The following TFDP2 variants were observed in gnomAD, a reference collection of about 807,000 sequenced individuals.
TFDP2 encodes the protein transcription factor Dp-2 (E2F dimerization partner 2).
Under a neutral mutation model 59.3 loss-of-function variants are expected in TFDP2, and 17 were observed. The ratio of observed to expected loss-of-function variants is 0.29; its 90% CI spans 0.20 to 0.43. TFDP2 has a LOEUF of 0.43. Among genes scored for constraint, TFDP2 ranks in the 20% least tolerant of loss-of-function variants. The probability of loss-of-function intolerance (pLI) is 1.00; values close to 1 mark genes in which losing one functional copy is unlikely to be tolerated. For missense variants in TFDP2, 391 were observed against 528.8 expected, an observed-to-expected ratio of 0.74 and a Z score of 2.56; for synonymous variants, 180 against 194.7, an observed-to-expected ratio of 0.92 and a Z score of 0.63.
chr3:142,115,155 A>G (rs971233422), intron 1 of TFDP2, among the ~76,000 whole-genome samples: 4 of 152,120 alleles, frequency 2.6e-5, no homozygotes, highest in Admixed American at 2.6e-4. Flanking sequence ...ATATTCTTTT[A>G]AAAACATTTA....
chr3:142,123,881 T>A (rs2062141072), intron 1 of TFDP2, among the ~76,000 whole-genome samples: 1 of 152,168 alleles, frequency 6.6e-6, no homozygotes, highest in African/African-American at 2.4e-5. Context: ...TATTTACATA[T>A]GATTACAACT....
intron 3 of TFDP2, among the ~76,000 whole-genome samples, chr3:142,029,800 T>C (rs761702752): frequency 5.3e-5 from 8 of 152,210 alleles, no homozygotes; most frequent in Non-Finnish European, 1.0e-4. Context: ...TGAATACTTA[T>C]TATGAGCCGA....
chr3:141,972,699 T>C (rs998933616), intron 8 of TFDP2, among the ~76,000 whole-genome samples: 1 of 152,212 alleles, frequency 6.6e-6, no homozygotes, highest in African/African-American at 2.4e-5. Flanking sequence ...GTACATTTCT[T>C]TCTTAGGAGT....
chr3:142,139,800 C>G (rs543706672), intron 1 of TFDP2, among the ~76,000 whole-genome samples: 1 of 152,274 alleles, frequency 6.6e-6, no homozygotes, highest in East Asian at 1.9e-4. Context: ...GTCCTTAACA[C>G]TTTTTCTTTC....
chr3:142,060,729 G>C (rs1156715667), intron 3 of TFDP2, among the ~76,000 whole-genome samples: 1 of 152,192 alleles, frequency 6.6e-6, no homozygotes, highest in African/African-American at 2.4e-5. Flanking sequence ...TGGAGGGTTA[G>C]GAGTAAGGTA....
Position 141,950,237 on chromosome 3 carries a change from T to C in TFDP2, c.*2276A>G, listed in dbSNP as rs1935795532. 6.6e-6 allele frequency: 1 copy of C among 152,146 alleles called. No homozygotes were observed. The highest frequency in any genetic ancestry group is 6.5e-5 in the Admixed American group (1 of 15,268). 9.4% of individuals were successfully genotyped at this position (152,146 alleles called of 1,614,324 possible). A position where few individuals can be genotyped will look rare whatever the true frequency, so the allele number is the denominator to read the frequency against. On this transcript the variant is annotated 3_prime_UTR_variant, in exon 13 of 13. Coordinates refer to ENST00000489671, the MANE Select transcript of TFDP2 (RefSeq NM_001178139.2). Reference sequence around the variant, plus strand: ...CCTTTCTGAACAGCTCAACCTAGTTTCTAAAGGCAAGATTTTACTCCAGCG... The same window carrying C: ...CCTTTCTGAACAGCTCAACCTAGTTCCTAAAGGCAAGATTTTACTCCAGCG...
intron 9 of TFDP2, among the ~76,000 whole-genome samples, chr3:141,966,687 T>G (rs1443054442): frequency 6.6e-6 from 1 of 151,606 alleles, no homozygotes; most frequent in Non-Finnish European, 1.5e-5. Context: ...ATGCGTTTAT[T>G]ATGGAAAAGG....
chr3:142,097,629 G>A (rs995097826), intron 2 of TFDP2, among the ~76,000 whole-genome samples: 4 of 152,150 alleles, frequency 2.6e-5, no homozygotes, highest in Non-Finnish European at 5.9e-5. Context: ...AGGCTGCAGT[G>A]AGCCATGATC....
chr3:142,017,424 G>A (rs1285117760), intron 3 of TFDP2, among the ~76,000 whole-genome samples: 1 of 152,072 alleles, frequency 6.6e-6, no homozygotes, highest in African/African-American at 2.4e-5. Flanking sequence ...AGTGAAAACT[G>A]AGTCTCCTGC....
At chr3:141,971,441 C>T (rs56001234) in intron 8 of TFDP2, among the ~76,000 whole-genome samples, 2 of 150,150 alleles carry the variant, frequency 1.3e-5, no homozygotes, top group African/African-American at 2.5e-5. Flanking sequence ...CCCAGCTACT[C>T]GGGAGGCTGA....
chr3:142,060,820 TGGGTA>T (rs2059894313), intron 3 of TFDP2, among the ~76,000 whole-genome samples: 1 of 152,188 alleles, frequency 6.6e-6, no homozygotes, highest in Non-Finnish European at 1.5e-5. Flanking sequence ...CACAAACATC[TGGGTA>T]GTGCTTTACA....
intron 3 of TFDP2, among the ~76,000 whole-genome samples, chr3:142,031,480 G>A (rs1946431108): frequency 6.6e-6 from 1 of 152,126 alleles, no homozygotes; most frequent in Non-Finnish European, 1.5e-5. Flanking sequence ...AATCTGCTCT[G>A]ATGTCTTTCT....
At chr3:142,104,826 A>C (rs555047861) in intron 1 of TFDP2, among the ~76,000 whole-genome samples, 2 of 152,344 alleles carry the variant, frequency 1.3e-5, no homozygotes, top group African/African-American at 2.4e-5. Context: ...AAAGAAACAA[A>C]GAGCATAAAT....
chr3:142,014,567 G>C (rs752986660), intron 3 of TFDP2, among the ~76,000 whole-genome samples: 9 of 152,058 alleles, frequency 5.9e-5, no homozygotes, highest in Non-Finnish European at 1.2e-4. Flanking sequence ...ATGGAAAAAT[G>C]TAACTTGGGC....
chr3:142,102,299 ATAC>A (rs2061337904), intron 1 of TFDP2, among the ~76,000 whole-genome samples: 1 of 152,230 alleles, frequency 6.6e-6, no homozygotes, highest in Non-Finnish European at 1.5e-5. Flanking sequence ...ACCAAAGTAC[ATAC>A]TGATAGTAAC....
intron 3 of TFDP2, among the ~76,000 whole-genome samples, chr3:142,017,121 C>A (rs1386545955): frequency 6.6e-6 from 1 of 152,206 alleles, no homozygotes; most frequent in African/African-American, 2.4e-5. Context: ...AGATATCTAC[C>A]ACCCTATATC....
At chr3:141,980,374 C>T (rs547920269) in intron 6 of TFDP2, among the ~76,000 whole-genome samples, 2 of 151,964 alleles carry the variant, frequency 1.3e-5, no homozygotes, top group East Asian at 3.9e-4. Context: ...TCCGTCATCT[C>T]AAGCCTTTAT....
chr3:142,000,351 C>T, intron 4 of TFDP2: 1 of 702,292 alleles, frequency 1.4e-6, no homozygotes, highest in Non-Finnish European at 2.6e-6. Flanking sequence ...CTTCTGGTTG[C>T]ATCCTAATAG....
Position 141,988,657 on chromosome 3 carries a change from ATCTTT to A in TFDP2, c.356+4876_356+4880del, listed in dbSNP as rs1477953264. 1.9e-4 allele frequency among the ~76,000 whole-genome samples: 27 copies of A among 145,560 alleles called. No individual in the cohort carries two copies. The South Asian group carries it at 3.7e-3, about 20-fold the overall frequency. On this transcript the variant is annotated intron_variant, in intron 6 of 12. Transcript: ENST00000489671. ...ATATCTTGAAGAACTGTTTTTAGCA[ATCTTT>A]TCTTTTCTTTTTTTTTTTTTTTTTT...
Sources: gnomAD v4.1 joint callset for allele counts (sites outside exome capture counted in the v4.1 genomes callset) on GRCh38, gnomAD v4.1.1 for gene constraint, MANE v1.5 for transcripts, NCBI Gene and HGNC (gene_info 2026-07-23, HGNC 2026-07-21) for gene names.